SUFU: variants seen among roughly 807,000 people sequenced by gnomAD.
SUFU encodes the protein SUFU negative regulator of hedgehog signaling, also known as suppressor of fused homolog.
Under a neutral mutation model 58.9 loss-of-function variants are expected in SUFU, and 7 were observed. The ratio of observed to expected loss-of-function variants is 0.12; its 90% CI spans 0.07 to 0.22. The LOEUF (loss-of-function observed/expected upper bound fraction) is 0.22. SUFU is among the 10% of genes least tolerant of loss of function. The pLI, the probability that SUFU is intolerant of heterozygous loss-of-function variation, is 1.00. For missense variants in SUFU, 451 were observed against 641.3 expected (o/e 0.70, Z 3.20); for synonymous variants, 232 against 254.8 (o/e 0.91, Z 0.85).
chr10:102,595,859 G>A lies in SUFU; in HGVS notation c.757-1281G>A, dbSNP rs559495526. On this transcript the variant is annotated intron_variant, in intron 6 of 11. Transcript: ENST00000369902. ...GCCCAAATAAGTCCCTCGCCTTCTGGGTCTTAACTTTTTCTTTTTACTTAT... is the reference window on the plus strand; with the variant it reads ...GCCCAAATAAGTCCCTCGCCTTCTGAGTCTTAACTTTTTCTTTTTACTTAT... 2.6e-5 allele frequency among the ~76,000 whole-genome samples: 4 copies of A among 152,160 alleles called. No individual in the cohort carries two copies. In the South Asian group the frequency reaches 6.2e-4, roughly 24 times the overall value.
intron 2 of SUFU, among the ~76,000 whole-genome samples, chr10:102,525,743 A>G (rs142926637): frequency 0.053 from 8,073 of 152,138 alleles, 720 homozygotes; most frequent in African/African-American, 0.18. Flanking sequence ...ACCTCAGGTG[A>G]TCCACCTGCC....
intron 7 of SUFU, 57 bp from the exon 8 acceptor site, chr10:102,599,376 G>T (rs1270643858): frequency 1.3e-5 from 17 of 1,330,176 alleles, no homozygotes; most frequent in Non-Finnish European, 1.8e-5. Flanking sequence ...TCAAGAGCGG[G>T]GTGAGAATTG....
In SUFU at chr10:102,524,329, C is replaced by CT. The variant is rs1260382350; in HGVS notation, c.317+15040dup. 1.3e-4 allele frequency among the ~76,000 whole-genome samples: 15 copies of CT among 115,266 alleles called. No individual in the cohort carries two copies. The East Asian group carries it at 2.7e-3, about 21-fold the overall frequency. The allele number at this position is 115,266 out of a possible 152,430, so 75.6% of individuals were successfully genotyped here. On this transcript the variant is annotated intron_variant, in intron 2 of 11. Transcript: ENST00000369902. ...CTAATTTTTCTTTTTCTTTTCTTTT[C>CT]TTTTTTTTTTTTTTGAGATGAAGTC...
At chr10:102,530,888 A>G (rs932954748) in intron 2 of SUFU, among the ~76,000 whole-genome samples, 1 of 152,090 alleles carries the variant, frequency 6.6e-6, no homozygotes, top group East Asian at 1.9e-4. Context: ...CAAATAGAGG[A>G]CTATATATGG....
At chr10:102,571,233 A>G (rs61871134) in intron 3 of SUFU, among the ~76,000 whole-genome samples, 9,047 of 152,322 alleles carry the variant, frequency 0.059, 357 homozygotes, top group Admixed American at 0.12. Flanking sequence ...AAAAATAGTC[A>G]GTACTAATAA....
chr10:102,536,155 C>T (rs533536945), intron 2 of SUFU, among the ~76,000 whole-genome samples: 17 of 151,492 alleles, frequency 1.1e-4, no homozygotes, highest in South Asian at 2.1e-4. Flanking sequence ...TTAGTGGAGA[C>T]GGTTTCACCA....
At chr10:102,542,686 G>A (rs143048054) in intron 2 of SUFU, among the ~76,000 whole-genome samples, 5 of 147,354 alleles carry the variant, frequency 3.4e-5, no homozygotes, top group African/African-American at 7.5e-5. Flanking sequence ...GTGCAGTGGC[G>A]TAATCACAGC....
intron 3 of SUFU, among the ~76,000 whole-genome samples, chr10:102,571,996 T>A (rs918358391): frequency 1.3e-5 from 2 of 152,094 alleles, no homozygotes; most frequent in African/African-American, 4.8e-5. Context: ...GGAGGAAGAG[T>A]CTGACGTTTG....
Position 102,509,287 on chromosome 10 carries a change from G to C in SUFU, c.301G>C (p.Asp101His). The change falls in exon 2 of 12, where the codon GAC (aspartate) becomes CAC (histidine). Residue 101 changes from aspartate to histidine, a missense_variant. Physicochemically the swap from Asp to His is moderately conservative, Grantham distance 81 (BLOSUM62 -1). Coordinates refer to ENST00000369902, the MANE Select transcript of SUFU (RefSeq NM_016169.4). ...CTTCGGCCTGAGTGATCTCTATGGT[G>C]ACAACAGAGTCCATGAGTGAGTATA... ...ISFGLSDLYGDNRVHEFTGTD... is the reference protein window; with the variant it reads ...ISFGLSDLYGHNRVHEFTGTD... The C allele has an allele frequency of 6.2e-7, 1 of 1,614,132 alleles. No individual in the cohort carries two copies. Among genetic ancestry groups the C allele is most frequent in the Non-Finnish European group, 8.5e-7 (1 of 1,180,028 alleles).
intron 10 of SUFU, 128 bp from the exon 11 acceptor site, chr10:102,627,047 G>A: frequency 2.0e-6 from 2 of 1,003,898 alleles, no homozygotes; most frequent in Non-Finnish European, 3.1e-6. Flanking sequence ...ACTTCCCTGT[G>A]TCCCTTGAAC....
Position 102,630,777 on chromosome 10 carries a change from G to A in SUFU, c.*622G>A, listed in dbSNP as rs1343393728. 4.1e-6 allele frequency: 1 copy of A among 245,926 alleles called. No homozygotes were observed. The highest frequency in any genetic ancestry group is 8.0e-6 in the Non-Finnish European group (1 of 124,906). The allele number at this position is 245,926 out of a possible 1,614,324, so 15.2% of individuals were successfully genotyped here. On this transcript the variant is annotated 3_prime_UTR_variant, in exon 12 of 12. Coordinates refer to ENST00000369902, the MANE Select transcript of SUFU (RefSeq NM_016169.4). ...TTGAACTTTCGCATTCTCTGACAGAGGCCTAGGGCTGTATCTCTCCCTGGG... is the reference window on the plus strand; with the variant it reads ...TTGAACTTTCGCATTCTCTGACAGAAGCCTAGGGCTGTATCTCTCCCTGGG...
At chr10:102,526,970 A>G (rs1189784938) in intron 2 of SUFU, among the ~76,000 whole-genome samples, 2 of 151,778 alleles carry the variant, frequency 1.3e-5, no homozygotes, top group Non-Finnish European at 2.9e-5. Flanking sequence ...TGTGACATTC[A>G]ATAAATTATA....
intron 3 of SUFU, among the ~76,000 whole-genome samples, chr10:102,565,936 G>T (rs374411063): frequency 6.6e-6 from 1 of 152,200 alleles, no homozygotes; most frequent in Non-Finnish European, 1.5e-5. Flanking sequence ...GTTTTAATTG[G>T]TTGGCTCTTT....
intron 1 of SUFU, among the ~76,000 whole-genome samples, chr10:102,505,842 C>T (rs922181776): frequency 6.6e-6 from 1 of 152,014 alleles, no homozygotes; most frequent in Non-Finnish European, 1.5e-5. Flanking sequence ...GCTTAATGAC[C>T]CATTCTCATT....
chr10:102,557,070 G>A (rs761136470), intron 3 of SUFU, among the ~76,000 whole-genome samples: 1 of 151,854 alleles, frequency 6.6e-6, no homozygotes, highest in Non-Finnish European at 1.5e-5. Context: ...AATAGAGCGA[G>A]ACTCCCTCTC....
chr10:102,546,178 C>A (rs2062852347), intron 2 of SUFU, among the ~76,000 whole-genome samples: 1 of 152,202 alleles, frequency 6.6e-6, no homozygotes, highest in South Asian at 2.1e-4. Flanking sequence ...GCTGGCACAG[C>A]CATCAGGCAG....
intron 3 of SUFU, among the ~76,000 whole-genome samples, chr10:102,592,135 T>C (rs2063409028): frequency 1.3e-5 from 2 of 152,224 alleles, no homozygotes; most frequent in Admixed American, 1.3e-4. Flanking sequence ...TTCAGCAACA[T>C]AGGAATTTCG....
intron 3 of SUFU, among the ~76,000 whole-genome samples, chr10:102,566,100 G>T (rs566147358): frequency 3.9e-5 from 6 of 152,204 alleles, no homozygotes; most frequent in Non-Finnish European, 8.8e-5. Flanking sequence ...TTGATGACTG[G>T]AAACTGCTCA....
At chr10:102,510,477 G>A (rs1306274582) in intron 2 of SUFU, among the ~76,000 whole-genome samples, 2 of 24,034 alleles carry the variant, frequency 8.3e-5, no homozygotes, top group African/African-American at 1.8e-4. Flanking sequence ...CAAAGTGCTG[G>A]GATTACAGGC....
Sources: allele counts gnomAD v4.1 joint callset (sites outside exome capture counted in the v4.1 genomes callset), GRCh38; gene constraint gnomAD v4.1.1; transcripts MANE v1.5; gene names NCBI Gene and HGNC (gene_info 2026-07-23, HGNC 2026-07-21).